Variants in FRMD3 observed in about 807,000 individuals in gnomAD.
FRMD3 encodes FERM domain-containing protein 3.
Under a neutral mutation model 70.2 loss-of-function variants are expected in FRMD3, and 33 were observed. The ratio of observed to expected loss-of-function variants is 0.47; its 90% CI spans 0.36 to 0.63. FRMD3 has a LOEUF of 0.63. FRMD3 is among the 20% of genes least tolerant of loss of function. The pLI is 0.00. For synonymous variants in FRMD3, 279 were observed against 255.9 expected (o/e 1.09, Z -0.86); for missense variants, 632 against 711.4 (o/e 0.89, Z 1.27).
At chr9:83,553,543 G>A in the FRMD3 span, among the ~76,000 whole-genome samples, 1 of 152,094 alleles carries the variant, frequency 6.6e-6, no homozygotes, top group African/African-American at 2.4e-5. Context: ...ATACCTCTTT[G>A]AGGTTTTGTT....
In FRMD3 at chr9:83,537,992, G is replaced by C. The variant is rs1002425502; in HGVS notation, c.147+93C>G. 41 of 1,419,184 alleles carry C rather than the reference G, an allele frequency of 2.9e-5. No individual in the cohort carries two copies. Among genetic ancestry groups the C allele is most frequent in the Non-Finnish European group, 3.8e-5 (39 of 1,031,922 alleles). The allele number at this position is 1,419,184 out of a possible 1,614,324, so 87.9% of individuals were successfully genotyped here. On this transcript the variant is annotated intron_variant, in intron 1 of 13. Coordinates refer to ENST00000304195, the MANE Select transcript of FRMD3 (RefSeq NM_174938.6). The surrounding 1 kb of genome is among the most constrained non-coding windows in gnomAD (Gnocchi z 4.1). ...TCTAGCAGTCCCCCAATCCCCTCCG[G>C]GAGTGGGTTCCTTGTTCTCGCATGC...
intron 6 of FRMD3, chr9:83,331,747 CTT>C (rs1334215957): frequency 6.0e-6 from 4 of 665,618 alleles, no homozygotes; most frequent in Non-Finnish European, 8.2e-6. Flanking sequence ...CTAAACATCT[CTT>C]TTAAAAAATA....
intron 3 of FRMD3, among the ~76,000 whole-genome samples, chr9:83,372,011 G>T (rs546134232): frequency 6.6e-6 from 1 of 152,208 alleles, no homozygotes; most frequent in Non-Finnish European, 1.5e-5. Context: ...TTCAAAAAAT[G>T]AAAGAATCCC....
At chr9:83,576,947 T>C in the FRMD3 span, among the ~76,000 whole-genome samples, 2 of 152,140 alleles carry the variant, frequency 1.3e-5, no homozygotes, top group Admixed American at 1.3e-4. Flanking sequence ...TATTTCTCTA[T>C]GCTAGGAATG....
chr9:83,352,657 A>G (rs1036459719), intron 3 of FRMD3, among the ~76,000 whole-genome samples: 14 of 152,128 alleles, frequency 9.2e-5, no homozygotes, highest in Non-Finnish European at 1.2e-4. Flanking sequence ...TAAAATAAAC[A>G]TCCTGGTCCT....
intron 1 of FRMD3, among the ~76,000 whole-genome samples, chr9:83,535,335 G>A (rs1451378639): frequency 6.6e-6 from 1 of 152,154 alleles, no homozygotes; most frequent in African/African-American, 2.4e-5. Context: ...AAACCTGTTT[G>A]AGTGGCTCAT....
At chr9:83,431,091 A>T in intron 1 of FRMD3, among the ~76,000 whole-genome samples, 1 of 152,228 alleles carries the variant, frequency 6.6e-6, no homozygotes, top group East Asian at 1.9e-4. Context: ...GGTGAGATCC[A>T]TTGGCCCTTT....
chr9:83,491,003 C>T (rs972601843), intron 1 of FRMD3, among the ~76,000 whole-genome samples: 2 of 152,168 alleles, frequency 1.3e-5, no homozygotes, highest in African/African-American at 4.8e-5. Flanking sequence ...ACAACCACCA[C>T]ATTTATATTT....
chr9:83,372,985 C>A lies in FRMD3; in HGVS notation c.253-30G>T, dbSNP rs766003675. ...GGAGGAAAAAAAAAAAAGCAGAGATCAGGGGTCAAATTGCTGGACCATACA... is the reference window on the plus strand; with the variant it reads ...GGAGGAAAAAAAAAAAAGCAGAGATAAGGGGTCAAATTGCTGGACCATACA... On this transcript the variant is annotated intron_variant, in intron 2 of 13. Coordinates refer to ENST00000304195, the MANE Select transcript of FRMD3 (RefSeq NM_174938.6). The A allele has an allele frequency of 4.4e-6, 7 of 1,591,996 alleles. No homozygotes were observed. The East Asian group carries it at 1.6e-4, about 36-fold the overall frequency.
At chr9:83,325,579 C>A (rs1183849119) in intron 6 of FRMD3, among the ~76,000 whole-genome samples, 1 of 152,162 alleles carries the variant, frequency 6.6e-6, no homozygotes, top group African/African-American at 2.4e-5. Flanking sequence ...CCCACCTCAG[C>A]CTCCCAAAGT....
chr9:83,465,424 C>T (rs953516043), intron 1 of FRMD3, among the ~76,000 whole-genome samples: 2 of 152,188 alleles, frequency 1.3e-5, no homozygotes, highest in Non-Finnish European at 2.9e-5. Flanking sequence ...GACCCTGTAT[C>T]TTGTTAATAA....
intron 6 of FRMD3, among the ~76,000 whole-genome samples, chr9:83,330,094 G>C (rs78414286): frequency 0.012 from 1,778 of 152,266 alleles, 31 homozygotes; most frequent in African/African-American, 0.04. Context: ...GCGAGGCATG[G>C]TGGCTCACAC....
At chr9:83,395,275 TA>T (rs11322008) in intron 1 of FRMD3, among the ~76,000 whole-genome samples, 115,143 of 142,342 alleles carry the variant, frequency 0.81, 46,551 homozygotes, top group East Asian at 0.96. Context: ...TCTATAGATT[TA>T]AAAAAAAAAA....
chr9:83,348,600 T>C (rs569096325), intron 4 of FRMD3, among the ~76,000 whole-genome samples: 13 of 152,228 alleles, frequency 8.5e-5, no homozygotes, highest in Admixed American at 3.3e-4. Flanking sequence ...TTATACACTT[T>C]AAAATGGTGA....
chr9:83,249,223 T>TC (rs1181968464), intron 13 of FRMD3, among the ~76,000 whole-genome samples: 9 of 152,310 alleles, frequency 5.9e-5, no homozygotes, highest in African/African-American at 2.2e-4. Context: ...AAGCTTTTTT[T>TC]CCCCTCTTGT....
At position 83,244,781 on chromosome 9, in the gene FRMD3, CATT is replaced by C; in HGVS notation, c.*3134_*3136del. On this transcript the variant is annotated 3_prime_UTR_variant, in exon 14 of 14. Transcript: ENST00000304195. Reference sequence around the variant, plus strand: ...CTCTAGTATTTCAATGAAATAAACTCATTGTGAATTCACCCCGAGTTGTGTTTA... The same window carrying C: ...CTCTAGTATTTCAATGAAATAAACTCGTGAATTCACCCCGAGTTGTGTTTA... 1.0e-6 allele frequency: 1 copy of C among 985,302 alleles called. No individual in the cohort carries two copies. Among genetic ancestry groups the C allele is most frequent in the Non-Finnish European group, 1.2e-6 (1 of 829,828 alleles). 61.0% of individuals were successfully genotyped at this position (985,302 alleles called of 1,614,324 possible).
At chr9:83,560,352 G>A in the FRMD3 span, among the ~76,000 whole-genome samples, 6 of 152,132 alleles carry the variant, frequency 3.9e-5, no homozygotes, top group Non-Finnish European at 7.4e-5. Context: ...TCATTCTCGT[G>A]CACTTCTATT....
the FRMD3 span, among the ~76,000 whole-genome samples, chr9:83,584,965 C>A: frequency 6.6e-6 from 1 of 152,198 alleles, no homozygotes; most frequent in East Asian, 1.9e-4. Context: ...AGGCAGGGAA[C>A]AAGAATAAAG....
At chr9:83,345,150 C>T (rs142771010) in intron 4 of FRMD3, among the ~76,000 whole-genome samples, 1 of 152,320 alleles carries the variant, frequency 6.6e-6, no homozygotes, top group African/African-American at 2.4e-5. Context: ...CTTTGTCTAA[C>T]ATCTGCTTTA....
Sources: gnomAD v4.1 joint callset for allele counts (sites outside exome capture counted in the v4.1 genomes callset) on GRCh38, gnomAD v4.1.1 for gene constraint, Gnocchi (gnomAD v3.1) non-coding constraint, MANE v1.5 for transcripts, NCBI Gene and HGNC (gene_info 2026-07-23, HGNC 2026-07-21) for gene names.